DCC: variants seen among roughly 807,000 people sequenced by gnomAD.
The protein encoded by DCC is DCC netrin 1 receptor, also known as netrin receptor DCC.
In DCC, 58 loss-of-function variants were observed where a neutral mutation model predicts 172.5. The ratio of observed to expected loss-of-function variants is 0.34; its 90% CI spans 0.27 to 0.42. The LOEUF is 0.42. Among genes scored for constraint, DCC ranks in the 10% least tolerant of loss-of-function variants. The probability of loss-of-function intolerance (pLI) is 1.00; values close to 1 mark genes in which losing one functional copy is unlikely to be tolerated. For missense variants in DCC, 1,740 were observed against 1,791.0 expected (o/e 0.97, Z 0.51); for synonymous variants, 709 against 644.5 (o/e 1.10, Z -1.52).
chr18:52,808,754 A>G (rs2038136817), intron 2 of DCC, among the ~76,000 whole-genome samples: 1 of 152,154 alleles, frequency 6.6e-6, no homozygotes, highest in South Asian at 2.1e-4. Flanking sequence ...TGCTGGGTAA[A>G]TAAGGGTGTC....
At chr18:52,808,310 G>T (rs973856438) in intron 2 of DCC, among the ~76,000 whole-genome samples, 1 of 151,858 alleles carries the variant, frequency 6.6e-6, no homozygotes, top group East Asian at 1.9e-4. Context: ...CAAATGATGT[G>T]ATTTGACATC....
At chr18:53,447,348 T>C (rs1325905380) in intron 22 of DCC, among the ~76,000 whole-genome samples, 1 of 152,200 alleles carries the variant, frequency 6.6e-6, no homozygotes, top group East Asian at 1.9e-4. Context: ...AGACCTTGAA[T>C]ACAAAATTTT....
At chr18:52,569,190 G>A (rs1473331367) in intron 1 of DCC, among the ~76,000 whole-genome samples, 6 of 152,198 alleles carry the variant, frequency 3.9e-5, no homozygotes, top group Admixed American at 3.9e-4. Context: ...GAAGCACTGG[G>A]CTGGATAAAA....
chr18:53,368,139 G>A (rs1056538594), intron 15 of DCC, among the ~76,000 whole-genome samples: 1 of 152,128 alleles, frequency 6.6e-6, no homozygotes, highest in African/African-American at 2.4e-5. Flanking sequence ...ATCCTGATAA[G>A]TATGAGGTGG....
chr18:52,629,778 G>A (rs1209692445), intron 1 of DCC, among the ~76,000 whole-genome samples: 15 of 151,908 alleles, frequency 9.9e-5, no homozygotes, highest in African/African-American at 1.7e-4. Flanking sequence ...GTGAAACCCC[G>A]TCTCTACTAA....
intron 13 of DCC, among the ~76,000 whole-genome samples, chr18:53,308,583 G>A (rs1014800413): frequency 2.0e-5 from 3 of 152,168 alleles, no homozygotes; most frequent in Non-Finnish European, 4.4e-5. Context: ...CTCATGGCCA[G>A]TAGAATTTGC....
At chr18:52,719,461 C>T (rs569915064) in intron 1 of DCC, among the ~76,000 whole-genome samples, 9 of 152,108 alleles carry the variant, frequency 5.9e-5, no homozygotes, top group South Asian at 2.1e-4. Context: ...GTTATCCACA[C>T]GTCCATTCGT....
intron 1 of DCC, among the ~76,000 whole-genome samples, chr18:52,748,035 C>G (rs184430309): frequency 1.3e-5 from 2 of 152,198 alleles, no homozygotes; most frequent in East Asian, 1.9e-4. Flanking sequence ...GCGGTCGGCT[C>G]GTGCTACGAC....
intron 12 of DCC, among the ~76,000 whole-genome samples, chr18:53,235,004 G>A (rs1012580267): frequency 6.6e-6 from 1 of 152,044 alleles, no homozygotes; most frequent in East Asian, 1.9e-4. Flanking sequence ...CATGAGGATG[G>A]GTGCCCTCTA....
Position 53,085,613 on chromosome 18 carries a change from T to A in DCC, c.1261+19447T>A, listed in dbSNP as rs527811469. Among the ~76,000 whole-genome samples the A allele has an allele frequency of 2.6e-5, 4 of 152,222 alleles. No individual in the cohort carries two copies. In the South Asian group the frequency reaches 8.3e-4, roughly 32 times the overall value. On this transcript the variant is annotated intron_variant, in intron 7 of 28. Transcript: ENST00000442544. ...ATTACTTAATCAAAGGGAGAAGCCA[T>A]TAAAACATAGAACATGCTATGTTAC...
intron 15 of DCC, among the ~76,000 whole-genome samples, chr18:53,378,076 C>T (rs1181084981): frequency 1.3e-5 from 2 of 152,074 alleles, no homozygotes; most frequent in African/African-American, 2.4e-5. Context: ...ATTCTTGTGC[C>T]TCAGCCTTCA....
rs1472422192 is a variant in DCC at position 53,166,207 on chromosome 18, G to GTGTAGAGAT, written c.1418+8696_1418+8704dup. Reference sequence around the variant, plus strand: ...GTCACTTGGTTTCTGGTATATTCCAGTGTAGAGATCATTGTGCAATTTGCT... The same window carrying GTGTAGAGAT: ...GTCACTTGGTTTCTGGTATATTCCAGTGTAGAGATTGTAGAGATCATTGTGCAATTTGCT... On this transcript the variant is annotated intron_variant, in intron 8 of 28. Coordinates refer to ENST00000442544, the MANE Select transcript of DCC (RefSeq NM_005215.4). Among the ~76,000 whole-genome samples the GTGTAGAGAT allele has an allele frequency of 2.6e-5, 4 of 152,280 alleles. No homozygotes were observed. In the East Asian group the frequency reaches 7.7e-4, roughly 29 times the overall value.
chr18:52,779,275 G>C (rs938500853), intron 2 of DCC, among the ~76,000 whole-genome samples: 12 of 152,140 alleles, frequency 7.9e-5, no homozygotes, highest in African/African-American at 2.9e-4. Flanking sequence ...ATCTACGTTA[G>C]GTATTTCTCC....
chr18:52,703,928 T>C (rs1242362799), intron 1 of DCC, among the ~76,000 whole-genome samples: 1 of 152,138 alleles, frequency 6.6e-6, no homozygotes, highest in Non-Finnish European at 1.5e-5. Context: ...GGGGATCTGA[T>C]TTTGTCTCCA....
chr18:53,441,489 C>G (rs186421926), intron 22 of DCC, among the ~76,000 whole-genome samples: 1 of 152,176 alleles, frequency 6.6e-6, no homozygotes, highest in Non-Finnish European at 1.5e-5. Context: ...TCCACCCCGA[C>G]GTATTCAAGA....
At chr18:53,306,646 G>A (rs1345027423) in intron 13 of DCC, among the ~76,000 whole-genome samples, 1 of 152,236 alleles carries the variant, frequency 6.6e-6, no homozygotes, top group Non-Finnish European at 1.5e-5. Context: ...GCACCTCCCA[G>A]GCAGTCCCCA....
At chr18:53,472,971 A>T (rs945436775) in intron 25 of DCC, among the ~76,000 whole-genome samples, 7 of 152,212 alleles carry the variant, frequency 4.6e-5, no homozygotes, top group African/African-American at 1.7e-4. Context: ...CTGATCCACA[A>T]ATATGCACTG....
chr18:53,471,577 T>A (rs1398957863), intron 25 of DCC, among the ~76,000 whole-genome samples: 5 of 152,200 alleles, frequency 3.3e-5, no homozygotes. Context: ...TGATTTAGTC[T>A]CTGGGTTTAT....
At chr18:53,447,460 A>G (rs143707814) in intron 22 of DCC, among the ~76,000 whole-genome samples, 317 of 152,310 alleles carry the variant, frequency 2.1e-3, no homozygotes, top group African/African-American at 7.3e-3. Context: ...AATGACATCA[A>G]TATAATCTCA....
Sources: allele counts gnomAD v4.1 joint callset (sites outside exome capture counted in the v4.1 genomes callset), GRCh38; gene constraint gnomAD v4.1.1; transcripts MANE v1.5; gene names NCBI Gene and HGNC (gene_info 2026-07-23, HGNC 2026-07-21).